The following TP53BP1 variants were observed in gnomAD, a reference collection of about 807,000 sequenced individuals.
TP53BP1 encodes the protein tumor protein p53 binding protein 1.
TP53BP1 carries 61 observed loss-of-function variants against 200.8 expected under a neutral mutation model. The ratio of observed to expected loss-of-function variants is 0.30; its 90% confidence interval spans 0.25 to 0.38. The LOEUF (loss-of-function observed/expected upper bound fraction) is 0.38, where lower values mean the gene tolerates loss of function less well. Ranked by LOEUF, TP53BP1 falls within the 10% of genes least tolerant of loss-of-function variation. The pLI, the probability that TP53BP1 is intolerant of heterozygous loss-of-function variation, is 1.00. For missense variants in TP53BP1, 2,144 were observed against 2,371.9 expected, an observed-to-expected ratio of 0.90 and a Z score of 2.00; for synonymous variants, 822 against 844.3, an observed-to-expected ratio of 0.97 and a Z score of 0.46.
Position 43,456,365 on chromosome 15 carries a change from T to C in TP53BP1, c.2243A>G (p.Gln748Arg). 6.2e-7 allele frequency: 1 copy of C among 1,609,018 alleles called. No homozygotes were observed. Among genetic ancestry groups the C allele is most frequent in the East Asian group, 2.2e-5 (1 of 44,866 alleles). The change falls in exon 12 of 28, where the codon CAG (glutamine) becomes CGG (arginine). Residue 748 changes from glutamine (Q) to arginine (R), a missense_variant. Gln to Arg is a conservative substitution (Grantham distance 43, BLOSUM62 1). This residue lies in a region of TP53BP1 where 1,700 missense variants were observed against 1,710.3 expected (regional missense o/e 0.99). Coordinates refer to ENST00000382044, the MANE Select transcript of TP53BP1 (RefSeq NM_001141980.3). ...TGAAGTAGCTTCTTCCCAAGCTTCCTGTTCCTTATGTTCCAATTCTTGGTC... is the reference window on the plus strand; with the variant it reads ...TGAAGTAGCTTCTTCCCAAGCTTCCCGTTCCTTATGTTCCAATTCTTGGTC... Reference protein sequence around the residue: ...ILDQELEHKEQEAWEEATSED... With the variant: ...ILDQELEHKEREAWEEATSED...
intron 15 of TP53BP1, among the ~76,000 whole-genome samples, chr15:43,440,011 A>G (rs1182333834): frequency 6.6e-6 from 1 of 152,218 alleles, no homozygotes; most frequent in Admixed American, 6.5e-5. Context: ...TAATAGCCCA[A>G]TGAGGAACTA....
chr15:43,461,296 T>C (rs1287239988), intron 11 of TP53BP1, among the ~76,000 whole-genome samples: 2 of 152,110 alleles, frequency 1.3e-5, no homozygotes, highest in Non-Finnish European at 2.9e-5. Context: ...CATGGCTCAC[T>C]GCAGTCTTGA....
chr15:43,504,748 G>A (rs145317019), intron 1 of TP53BP1, among the ~76,000 whole-genome samples: 517 of 152,252 alleles, frequency 3.4e-3, no homozygotes, highest in Non-Finnish European at 6.2e-3. Context: ...GGCCAGGCAC[G>A]GTGTCTCACT....
chr15:43,423,313 G>A (rs2045448878), intron 18 of TP53BP1, among the ~76,000 whole-genome samples: 1 of 151,564 alleles, frequency 6.6e-6, no homozygotes, highest in South Asian at 2.1e-4. Flanking sequence ...TTAATTGCCA[G>A]AGAGGATATG....
Position 43,407,076 on chromosome 15 carries a change from G to A in TP53BP1, c.*307C>T, listed in dbSNP as rs867211206. 1 of 293,146 alleles carries A rather than the reference G, an allele frequency of 3.4e-6. No individual in the cohort carries two copies. Among genetic ancestry groups the A allele is most frequent in the Non-Finnish European group, 6.5e-6 (1 of 154,432 alleles). The allele number at this position is 293,146 out of a possible 1,614,324, so 18.2% of individuals were successfully genotyped here. Reference sequence around the variant, plus strand: ...TTTGGGAATGATGCCACAGAATAAAGTTCACTCTTAACTTTTCAATTTCCT... The same window carrying A: ...TTTGGGAATGATGCCACAGAATAAAATTCACTCTTAACTTTTCAATTTCCT... On this transcript the variant is annotated 3_prime_UTR_variant, in exon 28 of 28. Transcript: ENST00000382044.
intron 11 of TP53BP1, among the ~76,000 whole-genome samples, chr15:43,458,073 A>C (rs1437054083): frequency 6.6e-6 from 1 of 152,138 alleles, no homozygotes; most frequent in African/African-American, 2.4e-5. Flanking sequence ...AGCTTACAAA[A>C]TATCAATAGT....
rs61758078 is a variant in TP53BP1, at chr15:43,420,648, G to A, written c.4338C>T (p.Pro1446=). The A allele has an allele frequency of 1.6e-4, 254 of 1,614,178 alleles. No homozygotes were observed. The highest frequency in any genetic ancestry group is 2.0e-4 in the Non-Finnish European group (237 of 1,180,036). The change falls in exon 21 of 28, where the codon CCC becomes CCT. Residue 1446 remains proline (P), a synonymous_variant. Transcript: ENST00000382044. Reference sequence around the variant, plus strand: ...TTCGTCTGGTGGAGTCTGGCACTCGGGGCACGACACGGCTGAAGGATTTAT... The same window carrying A: ...TTCGTCTGGTGGAGTCTGGCACTCGAGGCACGACACGGCTGAAGGATTTAT... ...PDDKSFSRVV[P]RVPDSTRRTD...
At chr15:43,471,647 CA>C (rs1184609674) in intron 10 of TP53BP1, among the ~76,000 whole-genome samples, 1 of 152,154 alleles carries the variant, frequency 6.6e-6, no homozygotes, top group Non-Finnish European at 1.5e-5. Flanking sequence ...AGGCTGGTCT[CA>C]AACTCCTGAC....
intron 9 of TP53BP1, 113 bp downstream of exon 9, chr15:43,475,452 A>T (rs917127798): frequency 1.6e-6 from 2 of 1,256,874 alleles, no homozygotes; most frequent in African/African-American, 3.0e-5. Flanking sequence ...AGGTTCTACC[A>T]TTTGGTTTCA....
At chr15:43,493,947 G>C (rs1209523054), upstream of TP53BP1, among the ~76,000 whole-genome samples, 2 of 152,148 alleles carry the variant, frequency 1.3e-5, no homozygotes, top group Admixed American at 1.3e-4. Flanking sequence ...CTTCTAACTA[G>C]ATGACCTCAA....
At chr15:43,458,651 G>A (rs1024270935) in intron 11 of TP53BP1, among the ~76,000 whole-genome samples, 4 of 151,802 alleles carry the variant, frequency 2.6e-5, no homozygotes, top group Non-Finnish European at 4.4e-5. Context: ...ATGGTATTGT[G>A]TCCCTACAGT....
intron 16 of TP53BP1, among the ~76,000 whole-genome samples, chr15:43,434,363 A>T (rs1301873280): frequency 1.3e-5 from 2 of 152,252 alleles, no homozygotes; most frequent in Admixed American, 1.3e-4. Flanking sequence ...GACATCTAAC[A>T]TACCAATGGC....
At chr15:43,472,959 T>C (rs959232346) in intron 10 of TP53BP1, among the ~76,000 whole-genome samples, 4 of 152,064 alleles carry the variant, frequency 2.6e-5, no homozygotes, top group African/African-American at 9.7e-5. Flanking sequence ...AGTCTGTCCC[T>C]TCTGATGTTC....
intron 7 of TP53BP1, 30 bp from the exon 8 acceptor site, chr15:43,477,789 G>A: frequency 6.8e-7 from 1 of 1,469,210 alleles, no homozygotes; most frequent in South Asian, 1.5e-5. Context: ...AGGAGAAAAA[G>A]TTCCTAAGTT....
intron 4 of TP53BP1, 46 bp downstream of exon 4, chr15:43,491,623 C>A: frequency 7.1e-7 from 1 of 1,403,864 alleles, no homozygotes; most frequent in African/African-American, 1.4e-5. Flanking sequence ...GATAAAAGAA[C>A]AAATCTGATA....
At chr15:43,445,610 T>C (rs970294594) in intron 14 of TP53BP1, among the ~76,000 whole-genome samples, 3 of 152,178 alleles carry the variant, frequency 2.0e-5, no homozygotes, top group Non-Finnish European at 4.4e-5. Context: ...TTCTCATCAA[T>C]AAAATGAAAA....
In TP53BP1 at chr15:43,404,304, T is replaced by C. The variant is rs1476158841; in HGVS notation, c.*3079A>G. 2.9e-6 allele frequency: 4 copies of C among 1,395,118 alleles called. No individual in the cohort carries two copies. Among genetic ancestry groups the C allele is most frequent in the African/African-American group, 1.4e-5 (1 of 69,642 alleles). 86.4% of individuals were successfully genotyped at this position (1,395,118 alleles called of 1,614,324 possible). ...AATGTGGGAAGGCCAGGTGGTTCTG[T>C]AGAATTTTGAACAAGGCTTTTCCAA... On this transcript the variant is annotated 3_prime_UTR_variant, in exon 28 of 28. Transcript: ENST00000382044.
Position 43,407,393 on chromosome 15 carries a change from A to G in TP53BP1, c.5924T>C (p.Val1975Ala). The G allele has an allele frequency of 6.2e-7, 1 of 1,614,156 alleles. No individual in the cohort carries two copies. The change falls in exon 28 of 28, where the codon GTT becomes GCT. Residue 1975 changes from valine to alanine, a missense_variant. Around this residue, in one of 4 missense-constraint regions of TP53BP1, gnomAD observed 334 missense variants for 453.4 expected, o/e 0.74. Coordinates refer to ENST00000382044, the MANE Select transcript of TP53BP1 (RefSeq NM_001141980.3). ...KQHPKYKHDY[V>A]SH Reference sequence around the variant, plus strand: ...TAAGACCAAGTATCTTTAGTGAGAAACATAATCGTGTTTATATTTTGGATG... The same window carrying G: ...TAAGACCAAGTATCTTTAGTGAGAAGCATAATCGTGTTTATATTTTGGATG...
intron 11 of TP53BP1, among the ~76,000 whole-genome samples, chr15:43,461,327 C>T (rs1363554939): frequency 1.3e-5 from 2 of 151,692 alleles, no homozygotes; most frequent in African/African-American, 4.8e-5. Flanking sequence ...TCAAGTGATT[C>T]TCTTACCTCA....
Sources: gnomAD v4.1 joint callset for allele counts (sites outside exome capture counted in the v4.1 genomes callset) on GRCh38, gnomAD v4.1.1 for gene constraint, gnomAD v4.1.1 regional missense constraint, MANE v1.5 for transcripts, NCBI Gene and HGNC (gene_info 2026-07-23, HGNC 2026-07-21) for gene names.